The following CDH4 variants were observed in gnomAD, a reference collection of about 807,000 sequenced individuals.
CDH4 encodes cadherin 4.
CDH4 carries 33 observed loss-of-function variants against 86.0 expected under a neutral mutation model. The ratio of observed to expected loss-of-function variants is 0.38; its 90% CI spans 0.29 to 0.51. CDH4 has a LOEUF of 0.51. Ranked by LOEUF, CDH4 falls within the 20% of genes least tolerant of loss-of-function variation. CDH4 has a pLI of 0.86. For missense variants in CDH4, 1,114 were observed against 1,307.4 expected, an observed-to-expected ratio of 0.85 and a Z score of 2.28; for synonymous variants, 555 against 549.4, an observed-to-expected ratio of 1.01 and a Z score of -0.14.
At chr20:61,706,298 G>A (rs951348613) in intron 2 of CDH4, among the ~76,000 whole-genome samples, 3 of 152,250 alleles carry the variant, frequency 2.0e-5, no homozygotes, top group Admixed American at 6.5e-5. Context: ...GTTTACTAAA[G>A]GGGGCTTCAG....
intron 2 of CDH4, among the ~76,000 whole-genome samples, chr20:61,608,237 C>G (rs1324944425): frequency 6.6e-6 from 1 of 152,060 alleles, no homozygotes; most frequent in African/African-American, 2.4e-5. Flanking sequence ...CATAATTTGG[C>G]TGAGAGCAAA....
intron 2 of CDH4, among the ~76,000 whole-genome samples, chr20:61,506,741 A>T (rs952464173): frequency 6.6e-5 from 10 of 152,316 alleles, no homozygotes; most frequent in African/African-American, 1.4e-4. Flanking sequence ...GAGCAACTCA[A>T]GAGAGGCTTT....
chr20:61,611,087 G>A (rs1225853758), intron 2 of CDH4, among the ~76,000 whole-genome samples: 1 of 152,060 alleles, frequency 6.6e-6, no homozygotes, highest in Non-Finnish European at 1.5e-5. Flanking sequence ...TCGGTGGGGT[G>A]GAGGCTGGAG....
At chr20:61,433,360 G>A (rs75289519) in intron 2 of CDH4, among the ~76,000 whole-genome samples, 6,875 of 152,094 alleles carry the variant, frequency 0.045, 194 homozygotes, top group Non-Finnish European at 0.066. Flanking sequence ...TCCTTCTGTC[G>A]ACACCACCCT....
At chr20:61,729,708 G>T (rs948975556) in intron 2 of CDH4, among the ~76,000 whole-genome samples, 1 of 152,234 alleles carries the variant, frequency 6.6e-6, no homozygotes, top group Non-Finnish European at 1.5e-5. Flanking sequence ...GCACACACTT[G>T]TTGCCATGTT....
Position 61,569,868 on chromosome 20 carries a change from G to A in CDH4, c.170-173695G>A, listed in dbSNP as rs139504180. ...TTTCTAGAATGCCTGCAGTTTAGGC[G>A]CGGCTGATGTTTCTTGATGACACTT... is the stretch of plus-strand genomic sequence containing the variant. On this transcript the variant is annotated intron_variant, in intron 2 of 15. Transcript: ENST00000614565. Among the ~76,000 whole-genome samples the A allele has an allele frequency of 4.5e-3, 692 of 152,256 alleles. 2 individuals carry two copies. The highest frequency in any genetic ancestry group is 0.015 in the African/African-American group (634 of 41,532).
intron 6 of CDH4, among the ~76,000 whole-genome samples, chr20:61,862,780 C>G (rs1451928761): frequency 2.0e-5 from 3 of 152,172 alleles, no homozygotes; most frequent in African/African-American, 7.2e-5. Flanking sequence ...CCTCTAACCC[C>G]TCGTAACTGT....
At chr20:61,290,819 G>A (rs935195141) in intron 2 of CDH4, among the ~76,000 whole-genome samples, 1 of 152,292 alleles carries the variant, frequency 6.6e-6, no homozygotes, top group South Asian at 2.1e-4. Flanking sequence ...TTACAGAAAG[G>A]AGCCTTAATA....
chr20:61,523,025 A>G (rs1036460782), intron 2 of CDH4, among the ~76,000 whole-genome samples: 1 of 152,204 alleles, frequency 6.6e-6, no homozygotes, highest in Non-Finnish European at 1.5e-5. Context: ...CTCCAGGAGC[A>G]GAGGAAGGAG....
intron 2 of CDH4, among the ~76,000 whole-genome samples, chr20:61,669,053 T>G (rs942171634): frequency 1.3e-5 from 2 of 152,174 alleles, no homozygotes; most frequent in African/African-American, 4.8e-5. Context: ...GTCAGGTCCT[T>G]CCTTCACCCT....
chr20:61,903,540 T>TTAAAAAAAA (rs386394189), intron 8 of CDH4, among the ~76,000 whole-genome samples: 2 of 90,886 alleles, frequency 2.2e-5, no homozygotes, highest in African/African-American at 9.5e-5. Context: ...AGAGACTCCA[T>TTAAAAAAAA]AAAAAAAAAA....
chr20:61,317,737 T>C (rs2084484628), intron 2 of CDH4, among the ~76,000 whole-genome samples: 1 of 151,918 alleles, frequency 6.6e-6, no homozygotes, highest in Non-Finnish European at 1.5e-5. Context: ...AGGGACCCCC[T>C]TTCCACCATG....
At chr20:61,828,381 G>A (rs1050450448) in intron 4 of CDH4, among the ~76,000 whole-genome samples, 8 of 152,310 alleles carry the variant, frequency 5.3e-5, no homozygotes, top group African/African-American at 1.7e-4. Flanking sequence ...AAAAGAGAGG[G>A]AGACAGATTA....
At chr20:61,809,120 A>C (rs763808753) in intron 4 of CDH4, among the ~76,000 whole-genome samples, 7 of 152,194 alleles carry the variant, frequency 4.6e-5, no homozygotes, top group Non-Finnish European at 7.3e-5. Context: ...CTGGACCCAG[A>C]CCTTTGATTG....
At chr20:61,305,037 G>A (rs567824453) in intron 2 of CDH4, among the ~76,000 whole-genome samples, 4 of 151,920 alleles carry the variant, frequency 2.6e-5, no homozygotes, top group African/African-American at 9.7e-5. Context: ...TTGTATGTGT[G>A]TGTGTTCTGT....
At chr20:61,558,736 A>G (rs1278449461) in intron 2 of CDH4, among the ~76,000 whole-genome samples, 2 of 152,200 alleles carry the variant, frequency 1.3e-5, no homozygotes, top group African/African-American at 4.8e-5. Context: ...CACTACCCTC[A>G]ACACATGTCA....
chr20:61,692,561 T>A (rs571033337), intron 2 of CDH4, among the ~76,000 whole-genome samples: 1 of 152,348 alleles, frequency 6.6e-6, no homozygotes, highest in African/African-American at 2.4e-5. Flanking sequence ...TGTGGGCACA[T>A]TTTGTGCCAC....
chr20:61,840,972 G>A (rs1037393812), intron 4 of CDH4, among the ~76,000 whole-genome samples: 3 of 152,242 alleles, frequency 2.0e-5, no homozygotes, highest in Non-Finnish European at 2.9e-5. Flanking sequence ...TCTTTAAATA[G>A]GTGGTGGATT....
chr20:61,680,764 G>A (rs908473676), intron 2 of CDH4, among the ~76,000 whole-genome samples: 9 of 152,264 alleles, frequency 5.9e-5, no homozygotes, highest in Non-Finnish European at 1.0e-4. Context: ...CCGTCTCCCC[G>A]GGATGCAGGA....
Sources: allele counts gnomAD v4.1 joint callset (sites outside exome capture counted in the v4.1 genomes callset), GRCh38; gene constraint gnomAD v4.1.1; transcripts MANE v1.5; gene names NCBI Gene and HGNC (gene_info 2026-07-23, HGNC 2026-07-21).